The following TAF3 variants were observed in gnomAD, a reference collection of about 807,000 sequenced individuals.
The protein encoded by TAF3 is TATA-box binding protein associated factor 3.
Under a neutral mutation model 80.6 loss-of-function variants are expected in TAF3, and 7 were observed. The observed-to-expected ratio is 0.09, with a 90% CI of 0.05 to 0.16. The LOEUF (loss-of-function observed/expected upper bound fraction) is 0.16, where lower values mean the gene tolerates loss of function less well. TAF3 is among the 10% of genes least tolerant of loss of function. TAF3 has a pLI of 1.00. For synonymous variants in TAF3, 444 were observed against 446.1 expected (o/e 1.00, Z 0.06); for missense variants, 921 against 1,140.2 (o/e 0.81, Z 2.77).
intron 2 of TAF3, among the ~76,000 whole-genome samples, chr10:7,907,591 G>T (rs1837618207): frequency 6.6e-6 from 1 of 152,166 alleles, no homozygotes; most frequent in South Asian, 2.1e-4. Context: ...TAATACAATA[G>T]CCAGAAGTTT....
intron 3 of TAF3, among the ~76,000 whole-genome samples, chr10:7,966,986 A>G (rs886386368): frequency 2.0e-5 from 3 of 152,208 alleles, no homozygotes; most frequent in South Asian, 2.1e-4. Context: ...TGCAATTTCT[A>G]TATAGTAGTT....
intron 4 of TAF3, among the ~76,000 whole-genome samples, chr10:7,999,435 AAAAGAAAG>A: frequency 6.8e-6 from 1 of 147,724 alleles, no homozygotes. Flanking sequence ...TTAAAAAAAA[AAAAGAAAG>A]AAAGAAAGAA....
intron 2 of TAF3, among the ~76,000 whole-genome samples, chr10:7,883,942 G>A (rs1242771619): frequency 6.6e-6 from 1 of 152,162 alleles, no homozygotes; most frequent in Non-Finnish European, 1.5e-5. Context: ...GCAACGCAGG[G>A]CATCACATGG....
intron 2 of TAF3, among the ~76,000 whole-genome samples, chr10:7,844,352 C>T (rs115551434): frequency 0.01 from 1,576 of 151,568 alleles, 25 homozygotes; most frequent in African/African-American, 0.037. Flanking sequence ...CATTCTGACA[C>T]AGCAGCTTTT....
chr10:8,002,282 A>G (rs1479456143), intron 4 of TAF3, among the ~76,000 whole-genome samples: 2 of 151,916 alleles, frequency 1.3e-5, no homozygotes, highest in African/African-American at 4.8e-5. Flanking sequence ...TTCTGTTTTC[A>G]TTGATATCCC....
intron 2 of TAF3, among the ~76,000 whole-genome samples, chr10:7,950,237 G>C (rs1201979962): frequency 2.0e-5 from 3 of 152,150 alleles, no homozygotes; most frequent in Non-Finnish European, 4.4e-5. Flanking sequence ...TGAAAAGACA[G>C]TATTACTCTT....
In TAF3 at chr10:7,964,041, C is replaced by T. The variant is rs766826582; in HGVS notation, c.531C>T (p.Gly177=). 1.0e-4 allele frequency: 163 copies of T among 1,614,068 alleles called. No individual in the cohort carries two copies. The highest frequency in any genetic ancestry group is 1.6e-4 in the Middle Eastern group (1 of 6,062). The change falls in exon 3 of 7, where the codon GGC becomes GGT. Residue 177 remains glycine (G), a synonymous_variant. Coordinates refer to ENST00000344293, the MANE Select transcript of TAF3 (RefSeq NM_031923.4). This position sits in a 1 kb window ranked among gnomAD's most constrained non-coding sequence, Gnocchi z 4.1. ...EEIINDENFL[G]KRPLDSPEAE... ...TTATTAATGATGAGAATTTCCTGGG[C>T]AAGAGACCACTGGATAGTCCTGAAG...
intron 3 of TAF3, among the ~76,000 whole-genome samples, chr10:7,976,413 ATTTT>A (rs1220558314): frequency 1.6e-5 from 2 of 128,650 alleles, no homozygotes; most frequent in Admixed American, 1.5e-4. Flanking sequence ...TGACTGGCTA[ATTTT>A]TTTTTTTTTT....
intron 2 of TAF3, among the ~76,000 whole-genome samples, chr10:7,860,693 G>C (rs954385074): frequency 6.6e-6 from 1 of 152,088 alleles, no homozygotes; most frequent in Non-Finnish European, 1.5e-5. Flanking sequence ...TGAACTTACT[G>C]ATTTAAACAT....
In TAF3 at chr10:7,965,034, G is replaced by C. The variant is rs770790970; in HGVS notation, c.1524G>C (p.Val508=). The part of the protein sequence containing the change: ...SPPTPEPLHK[V]YEEKTKLPSS... ...CCACTCCCGAACCTCTCCACAAGGTGTATGAGGAGAAAACCAAGCTGCCTT... is the reference window on the plus strand; with the variant it reads ...CCACTCCCGAACCTCTCCACAAGGTCTATGAGGAGAAAACCAAGCTGCCTT... Residue 508 remains valine, a synonymous_variant, in exon 3 of 7, where the codon GTG becomes GTC. Coordinates refer to ENST00000344293, the MANE Select transcript of TAF3 (RefSeq NM_031923.4). The C allele has an allele frequency of 6.2e-6, 10 of 1,614,042 alleles. No homozygotes were observed. Among genetic ancestry groups the C allele is most frequent in the Non-Finnish European group, 8.5e-6 (10 of 1,180,026 alleles).
At chr10:7,977,848 C>A (rs1333745407) in intron 4 of TAF3, among the ~76,000 whole-genome samples, 1 of 152,202 alleles carries the variant, frequency 6.6e-6, no homozygotes. Flanking sequence ...TTTAAGGAAG[C>A]CCTAGAAATG....
chr10:7,973,784 T>C (rs1180041836), intron 3 of TAF3, among the ~76,000 whole-genome samples: 1 of 152,258 alleles, frequency 6.6e-6, no homozygotes, highest in African/African-American at 2.4e-5. Context: ...TTCATAAGAC[T>C]GGACCATTTG....
At chr10:7,912,936 C>G (rs1366482736) in intron 2 of TAF3, among the ~76,000 whole-genome samples, 1 of 152,152 alleles carries the variant, frequency 6.6e-6, no homozygotes, top group African/African-American at 2.4e-5. Flanking sequence ...ATGCCACAGA[C>G]TGGGTGGCTT....
At chr10:7,982,058 C>A (rs1831731790) in intron 4 of TAF3, among the ~76,000 whole-genome samples, 1 of 151,936 alleles carries the variant, frequency 6.6e-6, no homozygotes, top group African/African-American at 2.4e-5. Context: ...AAAATATAGC[C>A]AGATTTAGCC....
At position 7,963,918 on chromosome 10, in the gene TAF3, A is replaced by T; in HGVS notation, c.410-2A>T. ...TTTTCTTCCTTTTTCTTCCTTTACC[A>T]GAAGAAGAAGAAGAGCAGGTGCCCA... On this transcript the variant is annotated splice_acceptor_variant, in intron 2 of 6. Coordinates refer to ENST00000344293, the MANE Select transcript of TAF3 (RefSeq NM_031923.4). LOFTEE classifies it high-confidence loss of function. 1.3e-6 allele frequency: 2 copies of T among 1,489,030 alleles called. No individual in the cohort carries two copies. The highest frequency in any genetic ancestry group is 1.8e-6 in the Non-Finnish European group (2 of 1,114,566). 92.2% of individuals were successfully genotyped at this position (1,489,030 alleles called of 1,614,324 possible).
rs554844790 is a variant in TAF3 at position 7,832,848 on chromosome 10, C to A, written c.409+8288C>A. Reference sequence around the variant, plus strand: ...TACAGGCATGAGCCACTGCACCTGGCCCAGCATTTATCATTTCTTTGTGCT... The same window carrying A: ...TACAGGCATGAGCCACTGCACCTGGACCAGCATTTATCATTTCTTTGTGCT... On this transcript the variant is annotated intron_variant, in intron 2 of 6. Coordinates refer to ENST00000344293, the MANE Select transcript of TAF3 (RefSeq NM_031923.4). 3.5e-3 allele frequency among the ~76,000 whole-genome samples: 529 copies of A among 152,274 alleles called. 6 individuals are homozygous for A. Among genetic ancestry groups the A allele is most frequent in the African/African-American group, 0.012 (510 of 41,554 alleles).
rs1203406690 is a variant in TAF3, at chr10:8,009,120, G to A, written c.2358G>A (p.Ala786=). Residue 786 remains alanine, a synonymous_variant, in exon 5 of 7, where the codon GCG becomes GCA. Coordinates refer to ENST00000344293, the MANE Select transcript of TAF3 (RefSeq NM_031923.4). The surrounding 1 kb of genome is among the most constrained non-coding windows in gnomAD (Gnocchi z 4.1). The stretch of plus-strand genomic sequence containing the variant: ...TCCCTGCCCCCGAGGCCAAGCCGGC[G>A]CCCTCGCAGAACAGGCCGAAGACCC... The part of the protein sequence containing the change: ...KVVPAPEAKP[A]PSQNRPKTPP... 2.5e-6 allele frequency: 4 copies of A among 1,600,236 alleles called. No individual in the cohort carries two copies. The East Asian group carries it at 6.8e-5, about 27-fold the overall frequency.
At chr10:8,003,371 A>T (rs1406922974) in intron 4 of TAF3, among the ~76,000 whole-genome samples, 1 of 152,188 alleles carries the variant, frequency 6.6e-6, no homozygotes, top group African/African-American at 2.4e-5. Context: ...ACATTAAAAT[A>T]CTTTAGCTCT....
At chr10:7,973,358 T>C (rs992451688) in intron 3 of TAF3, among the ~76,000 whole-genome samples, 3 of 152,218 alleles carry the variant, frequency 2.0e-5, no homozygotes, top group African/African-American at 7.2e-5. Flanking sequence ...GCTAGTGTTG[T>C]CAGTTGAAGA....
Sources: allele counts gnomAD v4.1 joint callset (sites outside exome capture counted in the v4.1 genomes callset), GRCh38; gene constraint gnomAD v4.1.1; non-coding constraint Gnocchi (gnomAD v3.1); transcripts MANE v1.5; gene names NCBI Gene and HGNC (gene_info 2026-07-23, HGNC 2026-07-21).